Variants in SDK1 observed in about 807,000 individuals in gnomAD.
SDK1 encodes the protein sidekick cell adhesion molecule 1, also known as protein sidekick-1.
A neutral mutation model predicts 245.5 loss-of-function variants in SDK1; 157 were observed. That is an observed-to-expected ratio of 0.64 (90% CI 0.56 to 0.73). SDK1 has a LOEUF of 0.73. Ranked by LOEUF, SDK1 falls within the 30% of genes least tolerant of loss-of-function variation. The pLI is 0.00. For missense variants in SDK1, 3,583 were observed against 3,002.3 expected (o/e 1.19, Z -4.52); for synonymous variants, 1,647 against 1,278.5 (o/e 1.29, Z -6.15).
intron 1 of SDK1, among the ~76,000 whole-genome samples, chr7:3,544,047 T>G (rs916069450): frequency 7.2e-5 from 11 of 152,246 alleles, no homozygotes; most frequent in Non-Finnish European, 1.6e-4. Flanking sequence ...GTTTTTATAT[T>G]TGATTATTTT....
chr7:4,005,399 T>A (rs1223536459), intron 14 of SDK1, among the ~76,000 whole-genome samples: 2 of 102,898 alleles, frequency 1.9e-5, no homozygotes, highest in African/African-American at 7.1e-5. Context: ...TGTGAGTGTG[T>A]GTGTGTGTGT....
chr7:4,051,534 TA>T (rs1789477516), intron 18 of SDK1, 103 bp from the exon 19 acceptor site: 1 of 998,522 alleles, frequency 1.0e-6, no homozygotes, highest in Admixed American at 2.9e-5. Context: ...CTTTCTTAAT[TA>T]TGACTTTACA....
At chr7:3,455,140 G>GT (rs545459656) in intron 1 of SDK1, among the ~76,000 whole-genome samples, 95 of 144,612 alleles carry the variant, frequency 6.6e-4, no homozygotes, top group East Asian at 1.8e-3. Context: ...TTGGATTTTT[G>GT]TTTTTTTTTT....
At chr7:3,434,220 C>A (rs1390592691) in intron 1 of SDK1, among the ~76,000 whole-genome samples, 2 of 152,142 alleles carry the variant, frequency 1.3e-5, no homozygotes, top group Non-Finnish European at 2.9e-5. Flanking sequence ...AAAGAGTCAG[C>A]GTGATGGAGA....
chr7:3,931,982 G>A (rs1363795255), intron 5 of SDK1, among the ~76,000 whole-genome samples: 1 of 152,186 alleles, frequency 6.6e-6, no homozygotes, highest in Non-Finnish European at 1.5e-5. Flanking sequence ...GTTGCTGGGT[G>A]CCTGAACCAC....
intron 1 of SDK1, among the ~76,000 whole-genome samples, chr7:3,491,008 C>G (rs552392302): frequency 6.6e-6 from 1 of 152,352 alleles, no homozygotes; most frequent in South Asian, 2.1e-4. Flanking sequence ...ATCACCTTGC[C>G]TGTGCCATGT....
intron 35 of SDK1, among the ~76,000 whole-genome samples, chr7:4,180,404 G>GCCCCGCGCCCA (rs1395029457): frequency 8.6e-6 from 1 of 116,206 alleles, no homozygotes; most frequent in African/African-American, 3.4e-5. Flanking sequence ...CCCAGCGCCT[G>GCCCCGCGCCCA]GCTCCAGCTC....
intron 1 of SDK1, among the ~76,000 whole-genome samples, chr7:3,472,395 T>G (rs1351021967): frequency 6.6e-6 from 1 of 152,192 alleles, no homozygotes; most frequent in South Asian, 2.1e-4. Context: ...GAAAAAAAAT[T>G]AGTAATTTTT....
At chr7:4,226,675 C>A (rs866647791) in intron 40 of SDK1, among the ~76,000 whole-genome samples, 16 of 152,250 alleles carry the variant, frequency 1.1e-4, no homozygotes, top group South Asian at 2.1e-4. Flanking sequence ...GTTCCTTTCT[C>A]TGGCTGTGCG....
chr7:3,781,055 C>G (rs1192306771), intron 4 of SDK1, among the ~76,000 whole-genome samples: 8 of 152,010 alleles, frequency 5.3e-5, no homozygotes, highest in Admixed American at 3.3e-4. Flanking sequence ...AGTCACTCAA[C>G]TCAGTCAAAA....
intron 4 of SDK1, among the ~76,000 whole-genome samples, chr7:3,774,321 C>T (rs1285538821): frequency 6.6e-6 from 1 of 152,128 alleles, no homozygotes; most frequent in Non-Finnish European, 1.5e-5. Flanking sequence ...CAACAGCGGC[C>T]ACTGGCCTCT....
At chr7:3,816,358 T>G (rs1477295611) in intron 4 of SDK1, among the ~76,000 whole-genome samples, 2 of 145,546 alleles carry the variant, frequency 1.4e-5, no homozygotes, top group African/African-American at 2.6e-5. Context: ...GCAAGACTAA[T>G]AAAGAAAAAA....
At chr7:3,616,430 C>T (rs1469059776) in intron 1 of SDK1, among the ~76,000 whole-genome samples, 2 of 152,174 alleles carry the variant, frequency 1.3e-5, no homozygotes, top group Admixed American at 6.5e-5. Flanking sequence ...TTTGCACCTG[C>T]AGAAAGTCTT....
intron 1 of SDK1, among the ~76,000 whole-genome samples, chr7:3,432,122 AAAAT>A (rs1779866676): frequency 1.4e-5 from 1 of 72,846 alleles, no homozygotes; most frequent in South Asian, 5.7e-4. Context: ...TAAAAAAAAA[AAAAT>A]ATATATATGT....
At chr7:3,544,166 T>C (rs1291155410) in intron 1 of SDK1, among the ~76,000 whole-genome samples, 3 of 152,250 alleles carry the variant, frequency 2.0e-5, no homozygotes, top group African/African-American at 7.2e-5. Context: ...GAGACATGCT[T>C]GACTGCATAT....
intron 42 of SDK1, among the ~76,000 whole-genome samples, chr7:4,241,408 A>C (rs980265075): frequency 1.3e-5 from 2 of 152,130 alleles, no homozygotes; most frequent in African/African-American, 4.8e-5. Context: ...GCCGAGGTGG[A>C]AGGATCACTT....
intron 4 of SDK1, among the ~76,000 whole-genome samples, chr7:3,665,645 A>G (rs533409898): frequency 2.0e-5 from 3 of 152,278 alleles, no homozygotes; most frequent in South Asian, 2.1e-4. Context: ...TGCCACAGCA[A>G]GAGGCAACTA....
intron 5 of SDK1, among the ~76,000 whole-genome samples, chr7:3,847,003 A>T (rs542483131): frequency 1.3e-5 from 2 of 151,122 alleles, no homozygotes; most frequent in Non-Finnish European, 2.9e-5. Context: ...GTGCCACCCC[A>T]GTGTTCTCAG....
intron 4 of SDK1, among the ~76,000 whole-genome samples, chr7:3,716,374 A>G (rs1374681065): frequency 1.3e-5 from 2 of 152,194 alleles, no homozygotes; most frequent in African/African-American, 4.8e-5. Context: ...AAAATAAGTA[A>G]TTTCTGAAAG....
Sources: gnomAD v4.1 joint callset for allele counts (sites outside exome capture counted in the v4.1 genomes callset) on GRCh38, gnomAD v4.1.1 for gene constraint, MANE v1.5 for transcripts, NCBI Gene and HGNC (gene_info 2026-07-23, HGNC 2026-07-21) for gene names.